Variants in PTPRA observed in about 807,000 individuals in gnomAD.
PTPRA encodes receptor-type tyrosine-protein phosphatase alpha.
A neutral mutation model predicts 104.8 loss-of-function variants in PTPRA; 25 were observed. The observed-to-expected ratio is 0.24, with a 90% confidence interval of 0.17 to 0.33. The LOEUF (loss-of-function observed/expected upper bound fraction) is 0.33, where lower values mean the gene tolerates loss of function less well. Ranked by LOEUF, PTPRA falls within the 10% of genes least tolerant of loss-of-function variation. PTPRA has a pLI of 1.00. For synonymous variants in PTPRA, 323 were observed against 368.9 expected, an observed-to-expected ratio of 0.88 and a Z score of 1.43; for missense variants, 765 against 1,015.3, an observed-to-expected ratio of 0.75 and a Z score of 3.35.
At chr20:2,989,402 T>C (rs1294597844) in intron 9 of PTPRA, among the ~76,000 whole-genome samples, 3 of 152,068 alleles carry the variant, frequency 2.0e-5, no homozygotes, top group East Asian at 1.9e-4. Flanking sequence ...CACTGCACTC[T>C]GACCTGGCGA....
chr20:3,004,921 G>C, intron 9 of PTPRA, 135 bp from the exon 10 acceptor site: 1 of 746,344 alleles, frequency 1.3e-6, no homozygotes, highest in Non-Finnish European at 2.3e-6. Context: ...TTAGGCTGCA[G>C]GTATTCACCT....
intron 13 of PTPRA, among the ~76,000 whole-genome samples, chr20:3,020,014 G>A (rs1306567472): frequency 6.6e-6 from 1 of 152,180 alleles, no homozygotes; most frequent in Non-Finnish European, 1.5e-5. Context: ...AGTGAGCCGA[G>A]ATGGCAGCAG....
Position 2,975,845 on chromosome 20 carries a change from G to A in PTPRA, c.442+604G>A, listed in dbSNP as rs1432427304. Among the ~76,000 whole-genome samples, 89 of 152,162 alleles carry A rather than the reference G, an allele frequency of 5.8e-4. 1 individual carries two copies. Among genetic ancestry groups the A allele is most frequent in the Admixed American group, 5.8e-3 (88 of 15,276 alleles). ...GCTATCAAAGAGCATGAGAGAAAGAGAAAGAGATCATCTAACATTCTAAGA... is the reference window on the plus strand; with the variant it reads ...GCTATCAAAGAGCATGAGAGAAAGAAAAAGAGATCATCTAACATTCTAAGA... On this transcript the variant is annotated intron_variant, in intron 6 of 23. Coordinates refer to ENST00000399903, the MANE Select transcript of PTPRA (RefSeq NM_001385305.1).
At chr20:3,033,458 GGGACTGT>G (rs1431600469) in intron 20 of PTPRA, among the ~76,000 whole-genome samples, 1 of 151,964 alleles carries the variant, frequency 6.6e-6, no homozygotes, top group Non-Finnish European at 1.5e-5. Context: ...GCTTGCCCGT[GGGACTGT>G]GGGCATGACT....
chr20:2,875,642 T>A (rs6051456), intron 1 of PTPRA, among the ~76,000 whole-genome samples: 56,824 of 152,030 alleles, frequency 0.37, 11,412 homozygotes, highest in East Asian at 0.64. Context: ...TAATAGCTAT[T>A]TTTTATTTGC....
At chr20:2,967,286 G>A (rs765014439) in intron 5 of PTPRA, among the ~76,000 whole-genome samples, 1 of 152,160 alleles carries the variant, frequency 6.6e-6, no homozygotes, top group Non-Finnish European at 1.5e-5. Context: ...ATAGGAGGCT[G>A]AGACTATGTT....
chr20:2,902,111 C>T (rs1447683292), intron 1 of PTPRA, among the ~76,000 whole-genome samples: 1 of 152,112 alleles, frequency 6.6e-6, no homozygotes, highest in Non-Finnish European at 1.5e-5. Flanking sequence ...TCTCGAGCTC[C>T]TGACCTCAGG....
chr20:2,965,233 C>T (rs754583739), intron 5 of PTPRA, 31 bp downstream of exon 5: 4 of 1,532,466 alleles, frequency 2.6e-6, no homozygotes, highest in Non-Finnish European at 3.6e-6. Context: ...TGTTCTTTTG[C>T]TCTTTGAGTT....
At chr20:2,961,801 G>A (rs2061764247) in intron 3 of PTPRA, among the ~76,000 whole-genome samples, 1 of 152,130 alleles carries the variant, frequency 6.6e-6, no homozygotes, top group Non-Finnish European at 1.5e-5. Flanking sequence ...AAGATAATAA[G>A]GTCTGATATG....
chr20:2,921,199 A>G (rs1029493761), intron 1 of PTPRA, among the ~76,000 whole-genome samples: 9 of 152,144 alleles, frequency 5.9e-5, no homozygotes, highest in African/African-American at 2.2e-4. Flanking sequence ...AGTCTCTTCT[A>G]AAAGTTTTTA....
At chr20:2,872,098 G>A (rs1368840268), upstream of PTPRA, among the ~76,000 whole-genome samples, 1 of 151,832 alleles carries the variant, frequency 6.6e-6, no homozygotes, top group African/African-American at 2.4e-5. This position sits in a 1 kb window ranked among gnomAD's most constrained non-coding sequence, Gnocchi z 7.9. Flanking sequence ...GGGGACCGGA[G>A]ATGGTAGGAC....
intron 3 of PTPRA, among the ~76,000 whole-genome samples, chr20:2,963,857 AGTGAGACGCC>A (rs1206329524): frequency 6.6e-6 from 1 of 152,082 alleles, no homozygotes; most frequent in Non-Finnish European, 1.5e-5. Flanking sequence ...TAGACAACAT[AGTGAGACGCC>A]GTCTCTACAG....
Position 2,988,057 on chromosome 20 carries a change from A to T in PTPRA, c.553A>T (p.Ser185Cys), listed in dbSNP as rs766370944. The T allele has an allele frequency of 6.3e-7, 1 of 1,587,888 alleles. No homozygotes were observed. Among genetic ancestry groups the T allele is most frequent in the Non-Finnish European group, 8.6e-7 (1 of 1,156,206 alleles). The change falls in exon 8 of 24, where the codon AGC becomes TGC. Residue 185 changes from serine to cysteine, a missense_variant. Ser to Cys is a moderately radical substitution (Grantham distance 112, BLOSUM62 -1). Coordinates refer to ENST00000399903, the MANE Select transcript of PTPRA (RefSeq NM_001385305.1). ...LRFKKYKQAGSHSNSFRLSNG... is the reference protein window; with the variant it reads ...LRFKKYKQAGCHSNSFRLSNG... ...GTTTAAGAAATACAAGCAAGCTGGGAGCCATTCCAATTCTTTCCGCTTATC... is the reference window on the plus strand; with the variant it reads ...GTTTAAGAAATACAAGCAAGCTGGGTGCCATTCCAATTCTTTCCGCTTATC...
intron 6 of PTPRA, among the ~76,000 whole-genome samples, chr20:2,985,453 C>G (rs1047689202): frequency 1.3e-5 from 2 of 152,176 alleles, no homozygotes; most frequent in Admixed American, 1.3e-4. Context: ...GACTTGTCTT[C>G]CCTTTTAGCA....
chr20:2,968,093 T>C (rs144006428), intron 5 of PTPRA, among the ~76,000 whole-genome samples: 14 of 152,350 alleles, frequency 9.2e-5, no homozygotes, highest in Non-Finnish European at 1.2e-4. Context: ...TTGCTGCTGC[T>C]TCCTGACTTC....
intron 1 of PTPRA, among the ~76,000 whole-genome samples, chr20:2,886,843 T>A (rs2090416769): frequency 7.3e-6 from 1 of 136,772 alleles, no homozygotes; most frequent in Admixed American, 7.7e-5. Context: ...GCAACAAGAG[T>A]GAAACTCTGT....
chr20:2,916,298 G>A (rs1002926865), intron 1 of PTPRA, among the ~76,000 whole-genome samples: 18 of 152,062 alleles, frequency 1.2e-4, no homozygotes, highest in South Asian at 4.1e-4. Flanking sequence ...CCACCTTGGC[G>A]TCCCAAAGTG....
At chr20:2,942,599 A>AC (rs2060961518) in intron 2 of PTPRA, among the ~76,000 whole-genome samples, 1 of 151,582 alleles carries the variant, frequency 6.6e-6, no homozygotes, top group Admixed American at 6.6e-5. Context: ...CAAAAGGCTG[A>AC]CCTCCCCCAA....
At chr20:2,872,165 G>A (rs898008196), upstream of PTPRA, among the ~76,000 whole-genome samples, 1 of 151,944 alleles carries the variant, frequency 6.6e-6, no homozygotes, top group Non-Finnish European at 1.5e-5. The surrounding 1 kb of genome is among the most constrained non-coding windows in gnomAD (Gnocchi z 7.9). Context: ...GGGGCACAGA[G>A]TCCCTAACTG....
Sources: allele counts gnomAD v4.1 joint callset (sites outside exome capture counted in the v4.1 genomes callset), GRCh38; gene constraint gnomAD v4.1.1; non-coding constraint Gnocchi (gnomAD v3.1); transcripts MANE v1.5; gene names NCBI Gene and HGNC (gene_info 2026-07-23, HGNC 2026-07-21).